TBX19: variants seen among roughly 807,000 people sequenced by gnomAD.
TBX19 encodes the protein T-box transcription factor TBX19.
TBX19 carries 33 observed loss-of-function variants against 40.9 expected under a neutral mutation model. That is an observed-to-expected ratio of 0.81 (90% CI 0.61 to 1.08). TBX19 has a LOEUF of 1.08. Among genes scored for constraint, TBX19 ranks in the 50% least tolerant of loss-of-function variants. TBX19 has a pLI of 0.00. For missense variants in TBX19, 494 were observed against 574.0 expected (o/e 0.86, Z 1.42); for synonymous variants, 220 against 225.0 (o/e 0.98, Z 0.20).
chr1:168,300,494 T>G lies in TBX19; in HGVS notation c.727+11T>G, dbSNP rs1175433084. 1.2e-6 allele frequency: 2 copies of G among 1,613,792 alleles called. No homozygotes were observed. The highest frequency in any genetic ancestry group is 1.1e-5 in the South Asian group (1 of 91,022). On this transcript the variant is annotated intron_variant, in intron 5 of 7. Transcript: ENST00000367821. ...TGACCTATTCTCACTGTGAGTTGGG[T>G]GTACATGAGGCGGGAGGTGCGTGGG...
At chr1:168,303,620 A>G (rs992070704) in intron 5 of TBX19, among the ~76,000 whole-genome samples, 14 of 152,222 alleles carry the variant, frequency 9.2e-5, no homozygotes, top group Admixed American at 7.8e-4. Flanking sequence ...GAATAAAAGA[A>G]TGGCTACTTC....
At chr1:168,297,834 A>C (rs1025363737) in intron 4 of TBX19, 49 bp downstream of exon 4, 1 of 1,455,012 alleles carries the variant, frequency 6.9e-7, no homozygotes, top group Non-Finnish European at 9.6e-7. Context: ...ATTTATGCAA[A>C]TACAAATGTG....
At chr1:168,309,384 CAAAT>C (rs1300167020) in intron 7 of TBX19, among the ~76,000 whole-genome samples, 2 of 152,094 alleles carry the variant, frequency 1.3e-5, no homozygotes, top group East Asian at 3.9e-4. Context: ...AAAAAATAAA[CAAAT>C]AAATAAATAA....
chr1:168,281,662 G>A (rs1179237903), intron 1 of TBX19, among the ~76,000 whole-genome samples: 1 of 152,208 alleles, frequency 6.6e-6, no homozygotes, highest in Non-Finnish European at 1.5e-5. Context: ...CAGATAAGGT[G>A]AAAGACAACT....
chr1:168,281,200 C>T lies in TBX19; in HGVS notation c.110C>T (p.Thr37Met), dbSNP rs764256599. 38 of 1,613,982 alleles carry T rather than the reference C, an allele frequency of 2.4e-5. No homozygotes were observed. Among genetic ancestry groups the T allele is most frequent in the Non-Finnish European group, 2.9e-5 (34 of 1,179,992 alleles). The change falls in exon 1 of 8, where the codon ACG becomes ATG. Residue 37 changes from threonine (T) to methionine (M), a missense_variant. Physicochemically the swap from Thr to Met is moderately conservative, Grantham distance 81 (BLOSUM62 -1). Transcript: ENST00000367821. ...LQAGREKGDP[T>M]EKQLQIILED... ...GCAGGGAGGGAAAAAGGCGACCCTA[C>T]GGAGAAGCAACTTCAGATCATCCTG...
intron 1 of TBX19, among the ~76,000 whole-genome samples, chr1:168,286,576 T>C (rs185743556): frequency 7.2e-5 from 11 of 152,376 alleles, no homozygotes; most frequent in Admixed American, 4.6e-4. Flanking sequence ...ATCTTTTTTA[T>C]TGACAAATAC....
chr1:168,303,990 A>G (rs967048243), intron 5 of TBX19, among the ~76,000 whole-genome samples: 24 of 151,982 alleles, frequency 1.6e-4, no homozygotes, highest in African/African-American at 5.8e-4. Context: ...CCTTTGTTGT[A>G]TGTTGTGCTC....
chr1:168,294,948 T>A (rs913878814), intron 3 of TBX19, among the ~76,000 whole-genome samples: 1 of 152,148 alleles, frequency 6.6e-6, no homozygotes, highest in African/African-American at 2.4e-5. Context: ...AACACCATGA[T>A]CAACACTATT....
chr1:168,305,968 C>G (rs1649394926), intron 6 of TBX19, among the ~76,000 whole-genome samples: 1 of 152,190 alleles, frequency 6.6e-6, no homozygotes, highest in Non-Finnish European at 1.5e-5. Flanking sequence ...ATGCCCTGCC[C>G]TTACGGAGAT....
At chr1:168,304,961 G>A (rs1649363477) in intron 5 of TBX19, 47 bp from the exon 6 acceptor site, 2 of 1,590,200 alleles carry the variant, frequency 1.3e-6, no homozygotes, top group South Asian at 1.1e-5. Context: ...TTTTTGGTGT[G>A]GGAGTTCACA....
In TBX19 at chr1:168,313,245, T is replaced by C. The variant is rs886045515; in HGVS notation, c.*243T>C. The C allele has an allele frequency of 3.4e-6, 2 of 586,510 alleles. No homozygotes were observed. Among genetic ancestry groups the C allele is most frequent in the Non-Finnish European group, 6.1e-6 (2 of 330,336 alleles). The allele number at this position is 586,510 out of a possible 1,614,324, so 36.3% of individuals were successfully genotyped here. On this transcript the variant is annotated 3_prime_UTR_variant, in exon 8 of 8. Coordinates refer to ENST00000367821, the MANE Select transcript of TBX19 (RefSeq NM_005149.3). ...TTTTCTCTGCAGCTTATTCTTGCCA[T>C]GCTTAGGTGACAGAAGTTTGTTAAG...
chr1:168,311,787 A>G (rs752674955), intron 7 of TBX19, among the ~76,000 whole-genome samples: 1 of 152,192 alleles, frequency 6.6e-6, no homozygotes. Context: ...ACCTGTTCCA[A>G]CTGCATCTAT....
At position 168,281,180 on chromosome 1, in the gene TBX19, G is replaced by T. The variant is rs771279737; in HGVS notation, c.90G>T (p.Gly30=). 1.2e-6 allele frequency: 2 copies of T among 1,614,200 alleles called. No homozygotes were observed. Among genetic ancestry groups the T allele is most frequent in the Non-Finnish European group, 1.7e-6 (2 of 1,180,024 alleles). ...LNVVESELQA[G]REKGDPTEKQ... ...TGGTGGAGAGTGAGCTTCAGGCAGG[G>T]AGGGAAAAAGGCGACCCTACGGAGA... Residue 30 remains glycine, a synonymous_variant, in exon 1 of 8, where the codon GGG becomes GGT. Coordinates refer to ENST00000367821, the MANE Select transcript of TBX19 (RefSeq NM_005149.3).
At position 168,312,879 on chromosome 1, in the gene TBX19, G is replaced by C. The variant is rs149058755; in HGVS notation, c.1224G>C (p.Leu408=). The change falls in exon 8 of 8, where the codon CTG becomes CTC. Residue 408 remains leucine, a synonymous_variant. Transcript: ENST00000367821. Reference sequence around the variant, plus strand: ...CCACTTCGGCTGGTGTGGAGGTTCTGGGGGAGCCCTCGCTAACCAGCATTG... The same window carrying C: ...CCACTTCGGCTGGTGTGGAGGTTCTCGGGGAGCCCTCGCTAACCAGCATTG... ...QAPTSAGVEV[L]GEPSLTSIAV... is the part of the protein sequence containing the mutation. 20 of 1,614,116 alleles carry C rather than the reference G, an allele frequency of 1.2e-5. No individual in the cohort carries two copies. Among genetic ancestry groups the C allele is most frequent in the African/African-American group, 5.3e-5 (4 of 74,944 alleles).
chr1:168,302,468 ACTGATCCCTTAG>A (rs1488821443), intron 5 of TBX19, among the ~76,000 whole-genome samples: 1 of 152,130 alleles, frequency 6.6e-6, no homozygotes, highest in African/African-American at 2.4e-5. Context: ...ATCCCCATCC[ACTGATCCCTTAG>A]CTGAGGCATG....
At chr1:168,291,694 G>A (rs1340238043) in intron 2 of TBX19, among the ~76,000 whole-genome samples, 1 of 152,174 alleles carries the variant, frequency 6.6e-6, no homozygotes, top group Non-Finnish European at 1.5e-5. Flanking sequence ...TTCGTCTTGT[G>A]TGCTGTGCTT....
In TBX19 at chr1:168,291,334, G is replaced by A. The variant is rs1457295052; in HGVS notation, c.378G>A (p.Pro126=). Residue 126 remains proline (P), a synonymous_variant, in exon 2 of 8, where the codon CCG becomes CCA. Transcript: ENST00000367821. ...GCCACAGCTGCGTCTACATTCACCCGGACTCCCCCAACTTTGGGGCCCACT... is the reference window on the plus strand; with the variant it reads ...GCCACAGCTGCGTCTACATTCACCCAGACTCCCCCAACTTTGGGGCCCACT... ...VSSHSCVYIH[P]DSPNFGAHWM... is the part of the protein sequence containing the mutation. The A allele has an allele frequency of 3.1e-6, 5 of 1,614,180 alleles. No individual in the cohort carries two copies. Among genetic ancestry groups the A allele is most frequent in the African/African-American group, 1.3e-5 (1 of 75,030 alleles).
chr1:168,288,349 C>T (rs1203883607), intron 1 of TBX19, among the ~76,000 whole-genome samples: 1 of 151,908 alleles, frequency 6.6e-6, no homozygotes, highest in African/African-American at 2.4e-5. Flanking sequence ...GTTGAATCTA[C>T]AGATGCAGAC....
chr1:168,305,072 T>G lies in TBX19; in HGVS notation c.792T>G (p.Tyr264Ter). 1 of 1,614,200 alleles carries G rather than the reference T, an allele frequency of 6.2e-7. No homozygotes were observed. Among genetic ancestry groups the G allele is most frequent in the Non-Finnish European group, 8.5e-7 (1 of 1,180,046 alleles). The part of the protein sequence containing the change: ...VCTAGNSNYQ[Y>*]AAPLPLPAPH... ...CAGCAGGAAACTCCAATTACCAGTA[T>G]GCCGCTCCTCTGCCTCTGCCTGCTC... is the stretch of plus-strand genomic sequence containing the variant. Residue 264 changes from tyrosine to a stop codon, truncating the protein, a stop_gained, in exon 6 of 8, where the codon TAT becomes TAG. Transcript: ENST00000367821. LOFTEE classifies it high-confidence loss of function.
Sources: gnomAD v4.1 joint callset for allele counts (sites outside exome capture counted in the v4.1 genomes callset) on GRCh38, gnomAD v4.1.1 for gene constraint, MANE v1.5 for transcripts, NCBI Gene and HGNC (gene_info 2026-07-23, HGNC 2026-07-21) for gene names.